The following PSD3 variants were observed in gnomAD, a reference collection of about 807,000 sequenced individuals.
PSD3 encodes the protein PH and SEC7 domain-containing protein 3.
Under a neutral mutation model 105.5 loss-of-function variants are expected in PSD3, and 49 were observed. That is an observed-to-expected ratio of 0.46 (90% confidence interval 0.37 to 0.59). The LOEUF is 0.59. PSD3 is among the 20% of genes least tolerant of loss of function. The pLI, the probability that PSD3 is intolerant of heterozygous loss-of-function variation, is 0.00. For synonymous variants in PSD3, 557 were observed against 457.8 expected (o/e 1.22, Z -2.77); for missense variants, 1,561 against 1,263.8 (o/e 1.24, Z -3.57).
At chr8:18,697,011 C>G (rs1055543667) in intron 9 of PSD3, among the ~76,000 whole-genome samples, 1 of 76,492 alleles carries the variant, frequency 1.3e-5, no homozygotes, top group Admixed American at 1.1e-4. Context: ...GCGGGGACAA[C>G]GTGGGAGGAT....
At chr8:18,883,692 G>A (rs1022765997) in intron 2 of PSD3, among the ~76,000 whole-genome samples, 1 of 152,182 alleles carries the variant, frequency 6.6e-6, no homozygotes, top group Non-Finnish European at 1.5e-5. Flanking sequence ...GGTTTTTAAT[G>A]TTCATATCTT....
chr8:18,595,502 G>GAGA lies in PSD3; in HGVS notation c.2481+4861_2481+4862insTCT, dbSNP rs1554519280. Among the ~76,000 whole-genome samples the GAGA allele has an allele frequency of 5.4e-5, 8 of 148,198 alleles. 1 individual carries two copies. In the East Asian group the frequency reaches 7.9e-4, roughly 15 times the overall value. ...GGAGGGACAGATGCAGAGAGAGAGA[G>GAGA]AAAAAAAAACCCAAGTATAAGCTGT... On this transcript the variant is annotated intron_variant, in intron 12 of 15. Coordinates refer to ENST00000327040, the MANE Select transcript of PSD3 (RefSeq NM_015310.4).
chr8:18,851,000 C>T (rs1815520488), intron 4 of PSD3, among the ~76,000 whole-genome samples: 1 of 152,190 alleles, frequency 6.6e-6, no homozygotes, highest in African/African-American at 2.4e-5. Context: ...AAAAGCGAGA[C>T]AAAGTGCAAG....
chr8:18,980,469 T>C (rs1379455805), intron 1 of PSD3, among the ~76,000 whole-genome samples: 1 of 152,144 alleles, frequency 6.6e-6, no homozygotes, highest in African/African-American at 2.4e-5. Flanking sequence ...GGTTGGTTGG[T>C]TGGTTGGGTT....
chr8:18,896,411 C>A (rs376727675), intron 2 of PSD3, among the ~76,000 whole-genome samples: 1 of 152,050 alleles, frequency 6.6e-6, no homozygotes, highest in Non-Finnish European at 1.5e-5. Flanking sequence ...TCCTTAGTGG[C>A]TATACTTTTA....
intron 9 of PSD3, among the ~76,000 whole-genome samples, chr8:18,757,963 G>A (rs1806195526): frequency 6.6e-6 from 1 of 151,980 alleles, no homozygotes. Flanking sequence ...ACCTCTGGCT[G>A]AATAGACAAA....
At chr8:18,838,991 G>A (rs973577749) in intron 4 of PSD3, among the ~76,000 whole-genome samples, 1 of 151,568 alleles carries the variant, frequency 6.6e-6, no homozygotes, top group African/African-American at 2.4e-5. Flanking sequence ...TGAGGAAAAG[G>A]CTTATCATAC....
chr8:18,995,343 C>A (rs1826020564), intron 1 of PSD3, among the ~76,000 whole-genome samples: 1 of 152,032 alleles, frequency 6.6e-6, no homozygotes, highest in Non-Finnish European at 1.5e-5. Context: ...TCCCAGACGC[C>A]AGTAGCTTTT....
rs1490626038 is a variant in PSD3 at position 18,572,576 on chromosome 8, C to T, written c.2736G>A (p.Lys912=). The T allele has an allele frequency of 6.2e-7, 1 of 1,614,082 alleles. No individual in the cohort carries two copies. The highest frequency in any genetic ancestry group is 8.5e-7 in the Non-Finnish European group (1 of 1,179,940). The change falls in exon 14 of 16, where the codon AAG becomes AAA. Residue 912 remains lysine (K), a synonymous_variant. Transcript: ENST00000327040. ...CAGGCAGAAGTGGGCGGCTAAACTT[C>T]TTCTGAGAGCCGATTGCTGCTGGAA... The part of the protein sequence containing the change: ...PPFPAAIGSQ[K]KFSRPLLPAT...
At chr8:18,913,031 T>TA (rs979111194) in intron 2 of PSD3, among the ~76,000 whole-genome samples, 55 of 141,992 alleles carry the variant, frequency 3.9e-4, no homozygotes, top group Middle Eastern at 3.8e-3. Context: ...GTGTGATCAT[T>TA]AAAAAAAAAA....
intron 1 of PSD3, among the ~76,000 whole-genome samples, chr8:18,970,824 G>A (rs919224562): frequency 6.6e-6 from 1 of 151,718 alleles, no homozygotes; most frequent in Non-Finnish European, 1.5e-5. Context: ...GCGTGGCGGT[G>A]TGCACCTGTA....
intron 9 of PSD3, among the ~76,000 whole-genome samples, chr8:18,743,023 T>C (rs2129435046): frequency 6.6e-6 from 1 of 152,330 alleles, no homozygotes; most frequent in Non-Finnish European, 1.5e-5. Context: ...GCGATGCCTT[T>C]AGCTTTAGAA....
chr8:18,997,168 C>T (rs11204014), intron 1 of PSD3, among the ~76,000 whole-genome samples: 83,668 of 151,420 alleles, frequency 0.55, 23,867 homozygotes, highest in African/African-American at 0.64. Flanking sequence ...CTCAAATGTT[C>T]ACCTCTAACC....
intron 9 of PSD3, among the ~76,000 whole-genome samples, chr8:18,747,070 A>C (rs1442750594): frequency 6.6e-6 from 1 of 152,186 alleles, no homozygotes; most frequent in Admixed American, 6.5e-5. Context: ...GATAATGTGA[A>C]GCTTAGAACC....
chr8:18,574,078 G>A (rs77820537), intron 13 of PSD3, among the ~76,000 whole-genome samples: 7,467 of 152,018 alleles, frequency 0.049, 200 homozygotes, highest in African/African-American at 0.072. Flanking sequence ...ATAAATATTT[G>A]CAAACTCATA....
chr8:18,618,570 T>C (rs1805869959), intron 11 of PSD3, among the ~76,000 whole-genome samples: 1 of 141,448 alleles, frequency 7.1e-6, no homozygotes, highest in Non-Finnish European at 1.6e-5. Context: ...TAAAATGATG[T>C]TATTTTGTAA....
At chr8:18,699,763 C>T (rs969064748) in intron 9 of PSD3, among the ~76,000 whole-genome samples, 2 of 151,974 alleles carry the variant, frequency 1.3e-5, no homozygotes, top group African/African-American at 4.8e-5. Flanking sequence ...GGTGGTCACA[C>T]TGGGAGAATG....
At chr8:19,005,830 A>G (rs1024937187) in intron 1 of PSD3, among the ~76,000 whole-genome samples, 2 of 151,884 alleles carry the variant, frequency 1.3e-5, no homozygotes, top group Admixed American at 6.6e-5. Flanking sequence ...AAAATTGACT[A>G]TGGTGATGGG....
chr8:18,799,501 TAAG>T, intron 7 of PSD3, 148 bp from the exon 8 acceptor site: 1 of 629,438 alleles, frequency 1.6e-6, no homozygotes. Context: ...AAAAAATGGA[TAAG>T]AATAATTTAT....
Sources: gnomAD v4.1 joint callset for allele counts (sites outside exome capture counted in the v4.1 genomes callset) on GRCh38, gnomAD v4.1.1 for gene constraint, MANE v1.5 for transcripts, NCBI Gene and HGNC (gene_info 2026-07-23, HGNC 2026-07-21) for gene names.